The following FAM228B variants were observed in gnomAD, a reference collection of about 807,000 sequenced individuals.
FAM228B encodes family with sequence similarity 228 member B.
In FAM228B, 38 loss-of-function variants were observed where a neutral mutation model predicts 42.6. The ratio of observed to expected loss-of-function variants is 0.89; its 90% CI spans 0.69 to 1.17. The LOEUF is 1.17. Ranked by LOEUF, FAM228B falls within the 50% of genes most tolerant of loss-of-function variation. FAM228B has a pLI of 0.00. For synonymous variants in FAM228B, 109 were observed against 122.3 expected (o/e 0.89, Z 0.72); for missense variants, 344 against 367.3 (o/e 0.94, Z 0.52).
intron 7 of FAM228B, among the ~76,000 whole-genome samples, chr2:24,160,548 C>G (rs1018829263): frequency 4.0e-5 from 6 of 151,846 alleles, no homozygotes; most frequent in Non-Finnish European, 5.9e-5. Context: ...TTTGCTAATT[C>G]TTTCTTCGCT....
chr2:24,101,157 A>G (rs1665596992), intron 3 of FAM228B, among the ~76,000 whole-genome samples: 1 of 152,248 alleles, frequency 6.6e-6, no homozygotes, highest in Non-Finnish European at 1.5e-5. Context: ...AGAAATACCT[A>G]ATGTAAATGA....
intron 8 of FAM228B, 42 bp from the exon 9 acceptor site, chr2:24,164,156 G>C: frequency 2.7e-6 from 4 of 1,499,452 alleles, no homozygotes; most frequent in Non-Finnish European, 3.6e-6. Context: ...CAGTTGAGTT[G>C]AGAGTTAAGA....
chr2:24,086,538 C>G (rs2150989569), intron 2 of FAM228B, among the ~76,000 whole-genome samples: 1 of 149,318 alleles, frequency 6.7e-6, no homozygotes, highest in South Asian at 2.2e-4. Flanking sequence ...TTCTCTCTCT[C>G]TCTTTTTTGT....
intron 1 of FAM228B, chr2:24,079,376 C>G (rs2303287): frequency 2.0e-6 from 3 of 1,523,564 alleles, no homozygotes; most frequent in Non-Finnish European, 2.7e-6. Flanking sequence ...CTTCCTTTCT[C>G]GGGGTAATGT....
intron 2 of FAM228B, 140 bp from the exon 3 acceptor site, chr2:24,134,979 G>A (rs1281730822): frequency 2.5e-5 from 15 of 606,442 alleles, no homozygotes; most frequent in African/African-American, 7.9e-5. Flanking sequence ...AAAAGCACTC[G>A]ATGATATGAT....
At chr2:24,098,303 T>C (rs1645322069) in intron 3 of FAM228B, among the ~76,000 whole-genome samples, 1 of 151,320 alleles carries the variant, frequency 6.6e-6, no homozygotes, top group African/African-American at 2.4e-5. Context: ...ATGAAAGAGA[T>C]AGAGACACGA....
At position 24,084,812 on chromosome 2, in the gene FAM228B, C is replaced by T. The variant is rs1665189179; in HGVS notation, c.-210+3857C>T. 6.5e-6 allele frequency: 1 copy of T among 153,560 alleles called. No individual in the cohort carries two copies. Among genetic ancestry groups the T allele is most frequent in the South Asian group, 2.0e-4 (1 of 4,918 alleles). The allele number at this position is 153,560 out of a possible 1,614,324, so 9.5% of individuals were successfully genotyped here. A position where few individuals can be genotyped will look rare whatever the true frequency, so the allele number is the denominator to read the frequency against. On this transcript the variant is annotated intron_variant, in intron 2 of 10. Transcript: ENST00000613899. This position sits in a 1 kb window ranked among gnomAD's most constrained non-coding sequence, Gnocchi z 8.4. ...CGGGTCCCGGTGACAAAGCCCGAGC[C>T]CCAGAGCCCCAGGACTGCCTCTGCC...
intron 8 of FAM228B, among the ~76,000 whole-genome samples, chr2:24,163,691 T>G (rs1229570128): frequency 6.6e-6 from 1 of 152,174 alleles, no homozygotes; most frequent in Non-Finnish European, 1.5e-5. Context: ...AAGGAGAGAT[T>G]TTGTTCTCAA....
intron 9 of FAM228B, chr2:24,166,382 C>G (rs1667415517): frequency 6.6e-6 from 1 of 152,140 alleles, no homozygotes; most frequent in Non-Finnish European, 1.5e-5. Flanking sequence ...CATTTCCCCA[C>G]TCCTACCCTT....
intron 1 of FAM228B, among the ~76,000 whole-genome samples, chr2:24,078,041 C>T (rs1664835474): frequency 1.3e-5 from 2 of 152,150 alleles, no homozygotes; most frequent in Non-Finnish European, 2.9e-5. Flanking sequence ...TTGCATGTAG[C>T]AAGTCATAAA....
rs546136864 is a variant in FAM228B, at chr2:24,164,704, G to A, written c.932+369G>A. Among the ~76,000 whole-genome samples the A allele has an allele frequency of 5.3e-5, 8 of 152,286 alleles. No homozygotes were observed. The East Asian group carries it at 1.5e-3, about 29-fold the overall frequency. ...TCTCTACCATTTACCACTTAGCATAGCCAAGCCAGGCCCCACATTTTGTTA... is the reference window on the plus strand; with the variant it reads ...TCTCTACCATTTACCACTTAGCATAACCAAGCCAGGCCCCACATTTTGTTA... On this transcript the variant is annotated intron_variant, in intron 9 of 10. Transcript: ENST00000615575.
intron 2 of FAM228B, among the ~76,000 whole-genome samples, chr2:24,090,113 C>T (rs952694139): frequency 1.3e-5 from 2 of 150,538 alleles, no homozygotes; most frequent in African/African-American, 4.9e-5. Context: ...ACTAAAAATA[C>T]AAAAAATTAG....
chr2:24,137,254 G>A (rs1666611932), intron 3 of FAM228B, among the ~76,000 whole-genome samples: 1 of 152,060 alleles, frequency 6.6e-6, no homozygotes, highest in African/African-American at 2.4e-5. Flanking sequence ...ATGAACATTG[G>A]TGTACAAGTA....
chr2:24,143,274 G>A (rs866008236), intron 5 of FAM228B, among the ~76,000 whole-genome samples: 3 of 151,918 alleles, frequency 2.0e-5, no homozygotes, highest in Admixed American at 6.6e-5. Flanking sequence ...TCCGCCTCCC[G>A]GGTTCACACC....
At chr2:24,129,984 C>T (rs1666416356) in intron 2 of FAM228B, among the ~76,000 whole-genome samples, 1 of 152,088 alleles carries the variant, frequency 6.6e-6, no homozygotes, top group African/African-American at 2.4e-5. Context: ...CTCGACTGGC[C>T]CTGATGTGTG....
chr2:24,121,873 C>T (rs1316210816), upstream of FAM228B, among the ~76,000 whole-genome samples: 1 of 152,206 alleles, frequency 6.6e-6, no homozygotes, highest in Non-Finnish European at 1.5e-5. Context: ...CAGCCTGAGG[C>T]TTTCACAGAT....
At chr2:24,119,046 G>C (rs1440239241), upstream of FAM228B, among the ~76,000 whole-genome samples, 4 of 152,034 alleles carry the variant, frequency 2.6e-5, no homozygotes, top group Non-Finnish European at 1.5e-5. Context: ...GTATAGACAC[G>C]GAGGGGGAAT....
chr2:24,139,710 A>ATTTG (rs1332322348), intron 5 of FAM228B, among the ~76,000 whole-genome samples: 1 of 152,242 alleles, frequency 6.6e-6, no homozygotes, highest in Admixed American at 6.5e-5. Context: ...TTTGTTACAA[A>ATTTG]AGTAACACAT....
intron 2 of FAM228B, among the ~76,000 whole-genome samples, chr2:24,129,685 A>G (rs1308433439): frequency 6.6e-6 from 1 of 152,074 alleles, no homozygotes; most frequent in Non-Finnish European, 1.5e-5. Flanking sequence ...TATCATTTCT[A>G]TTCTCTGCTA....
Sources: gnomAD v4.1 joint callset for allele counts (sites outside exome capture counted in the v4.1 genomes callset) on GRCh38, gnomAD v4.1.1 for gene constraint, Gnocchi (gnomAD v3.1) non-coding constraint, MANE v1.5 for transcripts, NCBI Gene and HGNC (gene_info 2026-07-23, HGNC 2026-07-21) for gene names.